Variants in CHRM5 observed in about 807,000 individuals in gnomAD.
The protein encoded by CHRM5 is muscarinic acetylcholine receptor M5.
A neutral mutation model predicts 39.0 loss-of-function variants in CHRM5; 18 were observed. The ratio of observed to expected loss-of-function variants is 0.46; its 90% CI spans 0.32 to 0.68. The LOEUF is 0.68. CHRM5 is among the 30% of genes least tolerant of loss of function. The pLI, the probability that CHRM5 is intolerant of heterozygous loss-of-function variation, is 0.04. For missense variants in CHRM5, 515 were observed against 651.1 expected, an observed-to-expected ratio of 0.79 and a Z score of 2.28; for synonymous variants, 241 against 246.3, an observed-to-expected ratio of 0.98 and a Z score of 0.20.
chr15:34,055,468 G>A (rs1046490364), intron 2 of CHRM5, among the ~76,000 whole-genome samples: 2 of 151,928 alleles, frequency 1.3e-5, no homozygotes, highest in Non-Finnish European at 1.5e-5. Context: ...TCACGCCACT[G>A]CATTCCAGCC....
chr15:34,059,957 C>T (rs1475510098), intron 2 of CHRM5, among the ~76,000 whole-genome samples: 1 of 152,064 alleles, frequency 6.6e-6, no homozygotes, highest in South Asian at 2.1e-4. Flanking sequence ...CCATAATAAA[C>T]ATTCAAATAT....
Position 33,983,162 on chromosome 15 carries a change from G to A in CHRM5, c.-408+14012G>A, listed in dbSNP as rs11637596. On this transcript the variant is annotated intron_variant, in intron 1 of 2. Transcript: ENST00000383263. ...TGTGTGTGTGTGTGTGTGTGTGTAT[G>A]TGTGTGTGTATATATACACACGTGT... Among the ~76,000 whole-genome samples the A allele has an allele frequency of 1.4e-4, 12 of 87,198 alleles. No homozygotes were observed. The East Asian group carries it at 4.6e-3, about 33-fold the overall frequency. The allele number at this position is 87,198 out of a possible 152,430, so 57.2% of individuals were successfully genotyped here.
chr15:33,968,673 T>C lies in CHRM5; in HGVS notation c.-885T>C, dbSNP rs1895493715. On this transcript the variant is annotated 5_prime_UTR_variant, in exon 1 of 3. Coordinates refer to ENST00000383263, the MANE Select transcript of CHRM5 (RefSeq NM_012125.4). The stretch of plus-strand genomic sequence containing the variant: ...GGAAGCTGATGGACTGAAAAGTTCG[T>C]ATGGAGAAAGGAAAGCAAGAGTGCA... 6.6e-6 allele frequency: 1 copy of C among 152,132 alleles called. No individual in the cohort carries two copies. The highest frequency in any genetic ancestry group is 2.4e-5 in the African/African-American group (1 of 41,442). The allele number at this position is 152,132 out of a possible 1,614,324, so 9.4% of individuals were successfully genotyped here.
chr15:34,006,351 G>A (rs748167452), intron 1 of CHRM5, among the ~76,000 whole-genome samples: 9 of 151,738 alleles, frequency 5.9e-5, no homozygotes, highest in South Asian at 2.1e-4. Context: ...GAGAATTTGC[G>A]GGACAGAACT....
chr15:33,989,713 C>T (rs1030220026), intron 1 of CHRM5, among the ~76,000 whole-genome samples: 2 of 151,994 alleles, frequency 1.3e-5, no homozygotes, highest in Admixed American at 6.6e-5. Flanking sequence ...CTTTTATTAT[C>T]TTTCCAGATC....
intron 1 of CHRM5, among the ~76,000 whole-genome samples, chr15:34,027,535 A>AAAAAG (rs1159217134): frequency 1.3e-5 from 2 of 151,410 alleles, no homozygotes; most frequent in Admixed American, 1.3e-4. Flanking sequence ...TCTCAAAAAA[A>AAAAAG]AAAAAAGAAA....
intron 1 of CHRM5, among the ~76,000 whole-genome samples, chr15:34,019,775 G>A (rs541196977): frequency 3.3e-5 from 5 of 152,200 alleles, no homozygotes; most frequent in Non-Finnish European, 7.3e-5. Context: ...TGGGTGTACA[G>A]TAGGCTACAC....
intron 2 of CHRM5, among the ~76,000 whole-genome samples, chr15:34,049,003 G>T (rs527724496): frequency 9.9e-5 from 15 of 152,150 alleles, no homozygotes; most frequent in African/African-American, 3.6e-4. Flanking sequence ...CAAACAAACA[G>T]AAAACAACAA....
chr15:33,976,354 T>G (rs1225582627), intron 1 of CHRM5, among the ~76,000 whole-genome samples: 1 of 152,234 alleles, frequency 6.6e-6, no homozygotes, highest in African/African-American at 2.4e-5. Context: ...AAGTGAGTAA[T>G]GTCGCTTTTT....
intron 1 of CHRM5, among the ~76,000 whole-genome samples, chr15:34,023,212 C>T (rs1244860935): frequency 6.6e-6 from 1 of 152,020 alleles, no homozygotes; most frequent in Non-Finnish European, 1.5e-5. Context: ...CAATGAGAAA[C>T]TTACCCCTCT....
At chr15:34,040,898 T>TA (rs60454298) in intron 1 of CHRM5, among the ~76,000 whole-genome samples, 23,151 of 144,924 alleles carry the variant, frequency 0.16, 2,289 homozygotes, top group African/African-American at 0.29. Flanking sequence ...GGAGACTGTC[T>TA]AAAAAAAAAA....
At chr15:34,027,550 A>G (rs1193247618) in intron 1 of CHRM5, among the ~76,000 whole-genome samples, 1 of 137,166 alleles carries the variant, frequency 7.3e-6, no homozygotes, top group Non-Finnish European at 1.7e-5. Context: ...AAGAAAGAAA[A>G]CGAACAGCCT....
chr15:33,976,523 T>C (rs906852280), intron 1 of CHRM5, among the ~76,000 whole-genome samples: 43 of 152,242 alleles, frequency 2.8e-4, no homozygotes, highest in Admixed American at 2.0e-3. Flanking sequence ...TCTCCATAAA[T>C]GGATCTGGGA....
intron 1 of CHRM5, among the ~76,000 whole-genome samples, chr15:33,978,345 T>G (rs1413244154): frequency 6.6e-6 from 1 of 152,092 alleles, no homozygotes; most frequent in Non-Finnish European, 1.5e-5. Flanking sequence ...CATTTAATAA[T>G]TGGAAATAAA....
At position 34,063,560 on chromosome 15, in the gene CHRM5, T is replaced by C; in HGVS notation, c.843T>C (p.Thr281=). Residue 281 remains threonine (T), a synonymous_variant, in exon 3 of 3, where the codon ACT becomes ACC. Coordinates refer to ENST00000383263, the MANE Select transcript of CHRM5 (RefSeq NM_012125.4). This position sits in a 1 kb window ranked among gnomAD's most constrained non-coding sequence, Gnocchi z 4.1. ...CCTCCCGCAGGAGCACCTCCACCAC[T>C]GGGAAGCCATCCCAAGCCACTGGCC... The part of the protein sequence containing the change: ...WSSSRRSTST[T]GKPSQATGPS... 1 of 1,613,466 alleles carries C rather than the reference T, an allele frequency of 6.2e-7. No homozygotes were observed. The highest frequency in any genetic ancestry group is 8.5e-7 in the Non-Finnish European group (1 of 1,179,982).
chr15:34,005,461 A>G (rs1401739228), intron 1 of CHRM5, among the ~76,000 whole-genome samples: 1 of 152,192 alleles, frequency 6.6e-6, no homozygotes, highest in Admixed American at 6.5e-5. Context: ...TTATCTATAA[A>G]CTAATCTTAA....
intron 1 of CHRM5, among the ~76,000 whole-genome samples, chr15:34,008,950 G>GCA (rs1491109996): frequency 0.093 from 2,193 of 23,508 alleles, 39 homozygotes; most frequent in South Asian, 0.19. Context: ...ACACGTGCGC[G>GCA]CGCGCACACA....
chr15:33,979,722 G>A (rs925198310), intron 1 of CHRM5, among the ~76,000 whole-genome samples: 2 of 152,186 alleles, frequency 1.3e-5, no homozygotes, highest in African/African-American at 2.4e-5. Flanking sequence ...TTCATAACAT[G>A]TCAGCTTTAC....
At chr15:33,984,694 A>G (rs6495425) in intron 1 of CHRM5, among the ~76,000 whole-genome samples, 67,644 of 151,574 alleles carry the variant, frequency 0.45, 16,078 homozygotes, top group African/African-American at 0.61. Context: ...GAGGCACTGC[A>G]CCCAGCCTAT....
Sources: gnomAD v4.1 joint callset for allele counts (sites outside exome capture counted in the v4.1 genomes callset) on GRCh38, gnomAD v4.1.1 for gene constraint, Gnocchi (gnomAD v3.1) non-coding constraint, MANE v1.5 for transcripts, NCBI Gene and HGNC (gene_info 2026-07-23, HGNC 2026-07-21) for gene names.